Variants in RNF19B observed in about 807,000 individuals in gnomAD.
RNF19B encodes the protein ring finger protein 19B.
Under a neutral mutation model 65.5 loss-of-function variants are expected in RNF19B, and 23 were observed. The observed-to-expected ratio is 0.35, with a 90% confidence interval of 0.25 to 0.50. The LOEUF is 0.50. Ranked by LOEUF, RNF19B falls within the 20% of genes least tolerant of loss-of-function variation. The pLI is 0.98. For missense variants in RNF19B, 794 were observed against 980.0 expected (o/e 0.81, Z 2.53); for synonymous variants, 372 against 379.6 (o/e 0.98, Z 0.23).
chr1:32,960,238 T>C (rs934175696), intron 1 of RNF19B, among the ~76,000 whole-genome samples: 2 of 152,192 alleles, frequency 1.3e-5, no homozygotes, highest in Non-Finnish European at 2.9e-5. Flanking sequence ...TGAGTAATTA[T>C]AGTAAAACTA....
At chr1:32,933,548 C>A (rs1157801967), downstream of RNF19B, among the ~76,000 whole-genome samples, 1 of 152,176 alleles carries the variant, frequency 6.6e-6, no homozygotes, top group Non-Finnish European at 1.5e-5. Flanking sequence ...AGCCACCACG[C>A]CCGGCCAAGC....
intron 3 of RNF19B, among the ~76,000 whole-genome samples, chr1:32,947,309 G>C (rs1642388521): frequency 6.6e-6 from 1 of 152,154 alleles, no homozygotes; most frequent in African/African-American, 2.4e-5. Context: ...TTGTTTATTT[G>C]TAAATATTAG....
In RNF19B at chr1:32,964,653, G is replaced by C. The variant is rs1642864809; in HGVS notation, c.33C>G (p.Arg11=). The change falls in exon 1 of 9, where the codon CGC becomes CGG. Residue 11 remains arginine (R), a synonymous_variant. Transcript: ENST00000235150. The surrounding 1 kb of genome is among the most constrained non-coding windows in gnomAD (Gnocchi z 6.5). ...GTGCGGCCGCATGTAGCGATGTGGAGCGCGGCGACTCGGAGTCCTTCTCGG... is the reference window on the plus strand; with the variant it reads ...GTGCGGCCGCATGTAGCGATGTGGACCGCGGCGACTCGGAGTCCTTCTCGG... The part of the protein sequence containing the change: MGSEKDSESP[R]STSLHAAAPD... The C allele has an allele frequency of 2.7e-6, 4 of 1,474,766 alleles. No homozygotes were observed. The highest frequency in any genetic ancestry group is 2.6e-5 in the South Asian group (2 of 78,384). The allele number at this position is 1,474,766 out of a possible 1,614,324, so 91.4% of individuals were successfully genotyped here. A position where few individuals can be genotyped will look rare whatever the true frequency, so the allele number is the denominator to read the frequency against.
chr1:32,962,402 G>C (rs1057470587), intron 1 of RNF19B, among the ~76,000 whole-genome samples: 2 of 152,172 alleles, frequency 1.3e-5, no homozygotes, highest in Non-Finnish European at 2.9e-5. Flanking sequence ...GGTCCTTCCT[G>C]ATACTTATTA....
At position 32,964,441 on chromosome 1, in the gene RNF19B, G is replaced by A; in HGVS notation, c.245C>T (p.Ala82Val). 9.0e-7 allele frequency: 1 copy of A among 1,110,872 alleles called. No homozygotes were observed. 68.8% of individuals were successfully genotyped at this position (1,110,872 alleles called of 1,614,324 possible). ...CGCCTCGGCCTCGGCGGCCGGCTCG[G>A]CGGGCAGCGCCTCGGGCGGCGGGCC... ...AQGPPPEALP[A>V]EPAAEAEAEA... Residue 82 changes from alanine to valine, a missense_variant, in exon 1 of 9, where the codon GCC (alanine) becomes GTC (valine). By Grantham distance (64) the Ala-to-Val change is moderately conservative. Around this residue, in one of 3 missense-constraint regions of RNF19B, gnomAD observed 374 missense variants for 423.8 expected, o/e 0.88. Coordinates refer to ENST00000235150, the MANE Select transcript of RNF19B (RefSeq NM_001300826.2). This position sits in a 1 kb window ranked among gnomAD's most constrained non-coding sequence, Gnocchi z 6.5.
At chr1:32,959,458 C>G (rs1161461377) in intron 1 of RNF19B, among the ~76,000 whole-genome samples, 1 of 152,148 alleles carries the variant, frequency 6.6e-6, no homozygotes, top group Non-Finnish European at 1.5e-5. Context: ...TCTGAAAAGA[C>G]ATACTTGGGC....
chr1:32,943,978 A>G (rs1042808509), intron 6 of RNF19B, 41 bp downstream of exon 6: 4 of 1,571,988 alleles, frequency 2.5e-6, no homozygotes, highest in East Asian at 2.3e-5. Flanking sequence ...TTTATCTTGT[A>G]TATCATAAAT....
At chr1:32,938,321 G>T in intron 8 of RNF19B, 76 bp downstream of exon 8, 1 of 1,474,826 alleles carries the variant, frequency 6.8e-7, no homozygotes, top group Non-Finnish European at 9.5e-7. Flanking sequence ...GCCCTAACAT[G>T]AGGCATTGAA....
chr1:32,942,410 G>A lies in RNF19B; in HGVS notation c.1452C>T (p.Ser484=). The change falls in exon 7 of 9, where the codon AGC becomes AGT. Residue 484 remains serine (S), a synonymous_variant. Transcript: ENST00000235150. ...TCAATACACTAGTCAGGCCTTCAAT[G>A]CTGCTTTCCCCAATGCTGGGATTCT... ...ALKNPSIGES[S]IEGLTSVLST... 3 of 1,614,164 alleles carry A rather than the reference G, an allele frequency of 1.9e-6. No homozygotes were observed. Among genetic ancestry groups the A allele is most frequent in the Non-Finnish European group, 2.5e-6 (3 of 1,180,014 alleles).
At chr1:32,929,562 C>G in the RNF19B span, among the ~76,000 whole-genome samples, 1 of 152,180 alleles carries the variant, frequency 6.6e-6, no homozygotes, top group African/African-American at 2.4e-5. Context: ...TTCCATTTCC[C>G]TAAGCACACA....
chr1:32,946,365 G>C (rs754288661), intron 4 of RNF19B, 37 bp downstream of exon 4: 1 of 1,599,134 alleles, frequency 6.3e-7, no homozygotes, highest in Admixed American at 1.7e-5. Context: ...CGAACCTAAA[G>C]TTGAAACAAG....
chr1:32,957,868 T>TG (rs1642676567), intron 1 of RNF19B, among the ~76,000 whole-genome samples: 1 of 152,226 alleles, frequency 6.6e-6, no homozygotes, highest in African/African-American at 2.4e-5. Context: ...AATGATCACC[T>TG]GTCTATACTA....
intron 1 of RNF19B, among the ~76,000 whole-genome samples, chr1:32,961,335 G>C (rs550850978): frequency 1.3e-5 from 2 of 152,210 alleles, no homozygotes; most frequent in African/African-American, 4.8e-5. Context: ...TCAATAATGC[G>C]GCTATGTTGA....
In RNF19B at chr1:32,936,882, C is replaced by G. The variant is rs910560391; in HGVS notation, c.2120G>C (p.Ser707Thr). 6.2e-7 allele frequency: 1 copy of G among 1,613,356 alleles called. No homozygotes were observed. The highest frequency in any genetic ancestry group is 8.5e-7 in the Non-Finnish European group (1 of 1,179,582). ...TPRAQGAPSPSAHMNLSALAE... is the reference protein window; with the variant it reads ...TPRAQGAPSPTAHMNLSALAE... ...TAGGGCAGAGAGGTTCATATGGGCACTTGGGCTCGGTGCACCTTGGGCTCT... is the reference window on the plus strand; with the variant it reads ...TAGGGCAGAGAGGTTCATATGGGCAGTTGGGCTCGGTGCACCTTGGGCTCT... Residue 707 changes from serine to threonine, a missense_variant, in exon 9 of 9, where the codon AGT (serine) becomes ACT (threonine). By Grantham distance (58) the Ser-to-Thr change is moderately conservative (BLOSUM62 1). Transcript: ENST00000235150.
intron 1 of RNF19B, among the ~76,000 whole-genome samples, chr1:32,951,958 C>CTTTT (rs34442939): frequency 8.1e-6 from 1 of 123,170 alleles, no homozygotes; most frequent in South Asian, 2.7e-4. Flanking sequence ...CCACGCCCGG[C>CTTTT]TTTTTTTTTT....
chr1:32,946,313 C>T (rs1642366547), intron 4 of RNF19B, 89 bp downstream of exon 4: 6 of 1,171,434 alleles, frequency 5.1e-6, no homozygotes, highest in East Asian at 2.4e-5. Flanking sequence ...TCAGGCAGCT[C>T]TGAAACATAG....
chr1:32,964,442 C>T lies in RNF19B; in HGVS notation c.244G>A (p.Ala82Thr), dbSNP rs1306898248. 1 of 1,100,196 alleles carries T rather than the reference C, an allele frequency of 9.1e-7. No homozygotes were observed. Among genetic ancestry groups the T allele is most frequent in the Non-Finnish European group, 1.1e-6 (1 of 905,226 alleles). The allele number at this position is 1,100,196 out of a possible 1,614,324, so 68.2% of individuals were successfully genotyped here. A position where few individuals can be genotyped will look rare whatever the true frequency, so the allele number is the denominator to read the frequency against. Residue 82 changes from alanine (A) to threonine (T), a missense_variant, in exon 1 of 9, where the codon GCC becomes ACC. By Grantham distance (58) the Ala-to-Thr change is moderately conservative (BLOSUM62 0). Transcript: ENST00000235150. This position sits in a 1 kb window ranked among gnomAD's most constrained non-coding sequence, Gnocchi z 6.5. ...AQGPPPEALP[A>T]EPAAEAEAEA... is the part of the protein sequence containing the mutation. ...GCCTCGGCCTCGGCGGCCGGCTCGG[C>T]GGGCAGCGCCTCGGGCGGCGGGCCC... is the stretch of plus-strand genomic sequence containing the variant.
chr1:32,955,473 T>TA (rs1218381220), intron 1 of RNF19B, among the ~76,000 whole-genome samples: 3 of 151,868 alleles, frequency 2.0e-5, no homozygotes, highest in Non-Finnish European at 2.9e-5. Context: ...ATCACACCTG[T>TA]AATCCCAGCA....
At chr1:32,943,276 T>C (rs1642282343) in intron 6 of RNF19B, among the ~76,000 whole-genome samples, 1 of 152,098 alleles carries the variant, frequency 6.6e-6, no homozygotes, top group South Asian at 2.1e-4. Context: ...TAGTCTCAGC[T>C]CTGTGAAGCT....
Sources: gnomAD v4.1 joint callset for allele counts (sites outside exome capture counted in the v4.1 genomes callset) on GRCh38, gnomAD v4.1.1 for gene constraint, gnomAD v4.1.1 regional missense constraint, Gnocchi (gnomAD v3.1) non-coding constraint, MANE v1.5 for transcripts, NCBI Gene and HGNC (gene_info 2026-07-23, HGNC 2026-07-21) for gene names.